The following PEX3 variants were observed in gnomAD, a reference collection of about 807,000 sequenced individuals.
The protein encoded by PEX3 is peroxisomal biogenesis factor 3, also known as peroxin-3.
In PEX3, 30 loss-of-function variants were observed where a neutral mutation model predicts 55.8. That is an observed-to-expected ratio of 0.54 (90% CI 0.40 to 0.73). The LOEUF (loss-of-function observed/expected upper bound fraction) is 0.73. Among genes scored for constraint, PEX3 ranks in the 30% least tolerant of loss-of-function variants. The probability of loss-of-function intolerance (pLI) is 0.00; values close to 1 mark genes in which losing one functional copy is unlikely to be tolerated. For missense variants in PEX3, 351 were observed against 432.8 expected (o/e 0.81, Z 1.68); for synonymous variants, 135 against 148.4 (o/e 0.91, Z 0.66).
intron 9 of PEX3, 140 bp from the exon 10 acceptor site, chr6:143,478,936 T>C (rs1780189911): frequency 1.8e-6 from 1 of 566,610 alleles, no homozygotes; most frequent in South Asian, 2.4e-5. Context: ...TTTTTAAAGA[T>C]TGATTTCTTG....
Position 143,471,972 on chromosome 6 carries a change from C to T in PEX3, c.579-188C>T. On this transcript the variant is annotated intron_variant, in intron 7 of 11. Transcript: ENST00000367591. This position sits in a 1 kb window ranked among gnomAD's most constrained non-coding sequence, Gnocchi z 5.4. ...TTCTCTTATGGAATCCAGAGAAATA[C>T]TTTTCTTGGCTCTGTAGTAATGGCC... 6.6e-6 allele frequency among the ~76,000 whole-genome samples: 1 copy of T among 152,114 alleles called. No individual in the cohort carries two copies. The highest frequency in any genetic ancestry group is 1.9e-4 in the East Asian group (1 of 5,188).
chr6:143,470,906 AT>A, intron 4 of PEX3, 54 bp from the exon 5 acceptor site: 2 of 1,528,668 alleles, frequency 1.3e-6, no homozygotes, highest in Non-Finnish European at 1.8e-6. Context: ...ATGGTTCATG[AT>A]TTTACACATT....
Position 143,487,808 on chromosome 6 carries a change from G to T in PEX3, c.1039-1335G>T, listed in dbSNP as rs1780340358. ...TACATGATTTGGTCTTCATTTGAAA[G>T]ATTTTCTGCCTCTGTTCTTCTCTCA... On this transcript the variant is annotated intron_variant, in intron 11 of 11. Coordinates refer to ENST00000367591, the MANE Select transcript of PEX3 (RefSeq NM_003630.3). The surrounding 1 kb of genome is among the most constrained non-coding windows in gnomAD (Gnocchi z 5.3). 6.6e-6 allele frequency among the ~76,000 whole-genome samples: 1 copy of T among 151,872 alleles called. No individual in the cohort carries two copies. The highest frequency in any genetic ancestry group is 2.1e-4 in the South Asian group (1 of 4,820).
rs1329796957 is a variant in PEX3, at chr6:143,482,851, G to A, written c.942-2301G>A. ...AAACAAATATACTGATCGAAAACAG[G>A]TGACTATGTGACCTCAAGATGGAGA... is the stretch of plus-strand genomic sequence containing the variant. On this transcript the variant is annotated intron_variant, in intron 10 of 11. Coordinates refer to ENST00000367591, the MANE Select transcript of PEX3 (RefSeq NM_003630.3). The surrounding 1 kb of genome is among the most constrained non-coding windows in gnomAD (Gnocchi z 5.5). Among the ~76,000 whole-genome samples, 1 of 152,004 alleles carries A rather than the reference G, an allele frequency of 6.6e-6. No homozygotes were observed. The highest frequency in any genetic ancestry group is 1.5e-5 in the Non-Finnish European group (1 of 67,956).
At position 143,487,451 on chromosome 6, in the gene PEX3, A is replaced by G. The variant is rs1780336148; in HGVS notation, c.1039-1692A>G. Among the ~76,000 whole-genome samples, 2 of 152,134 alleles carry G rather than the reference A, an allele frequency of 1.3e-5. No individual in the cohort carries two copies. The highest frequency in any genetic ancestry group is 1.3e-4 in the Admixed American group (2 of 15,252). The stretch of plus-strand genomic sequence containing the variant: ...ATTTGTCCATACACCTCACATACAT[A>G]TGTACACACATATACCACAGTCCTC... On this transcript the variant is annotated intron_variant, in intron 11 of 11. Coordinates refer to ENST00000367591, the MANE Select transcript of PEX3 (RefSeq NM_003630.3). This position sits in a 1 kb window ranked among gnomAD's most constrained non-coding sequence, Gnocchi z 5.3.
In PEX3 at chr6:143,453,840, A is replaced by G. The variant is rs955996741; in HGVS notation, c.73+2725A>G. Among the ~76,000 whole-genome samples the G allele has an allele frequency of 2.6e-5, 4 of 152,034 alleles. No individual in the cohort carries two copies. The highest frequency in any genetic ancestry group is 9.7e-5 in the African/African-American group (4 of 41,398). On this transcript the variant is annotated intron_variant, in intron 1 of 11. Transcript: ENST00000367591. This position sits in a 1 kb window ranked among gnomAD's most constrained non-coding sequence, Gnocchi z 4.6. Reference sequence around the variant, plus strand: ...CAATCGTCCTGCCTCAGCCTCCTAAAGTGCTGGAATTACAGGCATGAGCCA... The same window carrying G: ...CAATCGTCCTGCCTCAGCCTCCTAAGGTGCTGGAATTACAGGCATGAGCCA...
rs1483348639 is a variant in PEX3, at chr6:143,462,391, T to G, written c.206-525T>G. The stretch of plus-strand genomic sequence containing the variant: ...ACTGACAAAACTAAAACTCAGCAAC[T>G]CTTAGTTCCTAACCCAGTGCACTTT... On this transcript the variant is annotated intron_variant, in intron 2 of 11. Coordinates refer to ENST00000367591, the MANE Select transcript of PEX3 (RefSeq NM_003630.3). This position sits in a 1 kb window ranked among gnomAD's most constrained non-coding sequence, Gnocchi z 4.1. Among the ~76,000 whole-genome samples, 1 of 152,192 alleles carries G rather than the reference T, an allele frequency of 6.6e-6. No homozygotes were observed. Among genetic ancestry groups the G allele is most frequent in the Non-Finnish European group, 1.5e-5 (1 of 68,024 alleles).
chr6:143,457,901 A>G (rs1779868349), intron 1 of PEX3, among the ~76,000 whole-genome samples: 1 of 152,242 alleles, frequency 6.6e-6, no homozygotes, highest in Non-Finnish European at 1.5e-5. Flanking sequence ...TGGTTAACTC[A>G]GTTGACTAAG....
Position 143,485,191 on chromosome 6 carries a change from A to C in PEX3, c.981A>C (p.Pro327=). 1 of 1,607,202 alleles carries C rather than the reference A, an allele frequency of 6.2e-7. No homozygotes were observed. The highest frequency in any genetic ancestry group is 8.5e-7 in the Non-Finnish European group (1 of 1,173,944). Residue 327 remains proline, a synonymous_variant, in exon 11 of 12, where the codon CCA becomes CCC. Transcript: ENST00000367591. This position sits in a 1 kb window ranked among gnomAD's most constrained non-coding sequence, Gnocchi z 5.6. ...GCCTGCCTTTAGCTAAGATAATTCCAATAGTAAACGGACAGATCCATTCAG... is the reference window on the plus strand; with the variant it reads ...GCCTGCCTTTAGCTAAGATAATTCCCATAGTAAACGGACAGATCCATTCAG... ...SVSLPLAKII[P]IVNGQIHSVC... is the part of the protein sequence containing the mutation.
Position 143,487,562 on chromosome 6 carries a change from C to T in PEX3, c.1039-1581C>T, listed in dbSNP as rs1780337339. On this transcript the variant is annotated intron_variant, in intron 11 of 11. Coordinates refer to ENST00000367591, the MANE Select transcript of PEX3 (RefSeq NM_003630.3). The surrounding 1 kb of genome is among the most constrained non-coding windows in gnomAD (Gnocchi z 5.3). ...GCTTTTTCGTAACTCAAAACCAAAG[C>T]ACTTTTATTGTCAAGTAGAATCTAA... Among the ~76,000 whole-genome samples, 2 of 152,056 alleles carry T rather than the reference C, an allele frequency of 1.3e-5. No individual in the cohort carries two copies. Among genetic ancestry groups the T allele is most frequent in the Non-Finnish European group, 2.9e-5 (2 of 67,974 alleles).
chr6:143,461,648 T>C (rs1171441650), intron 2 of PEX3, among the ~76,000 whole-genome samples: 1 of 152,040 alleles, frequency 6.6e-6, no homozygotes, highest in Non-Finnish European at 1.5e-5. Flanking sequence ...TTTTCCCTTT[T>C]AGAATGTGGT....
At chr6:143,478,666 G>A (rs1328481197) in intron 9 of PEX3, among the ~76,000 whole-genome samples, 6 of 152,112 alleles carry the variant, frequency 3.9e-5, no homozygotes, top group Non-Finnish European at 5.9e-5. Flanking sequence ...CAGGCCTTTC[G>A]TCAAGCTTCT....
chr6:143,477,158 A>G (rs755961685), intron 9 of PEX3, among the ~76,000 whole-genome samples: 5 of 152,186 alleles, frequency 3.3e-5, no homozygotes, highest in Non-Finnish European at 5.9e-5. Context: ...ATTCAAAAGA[A>G]TTAGAGTTTA....
chr6:143,474,295 A>G (rs186665018), intron 8 of PEX3, among the ~76,000 whole-genome samples: 16 of 152,138 alleles, frequency 1.1e-4, no homozygotes, highest in African/African-American at 3.9e-4. Context: ...TAAAAATACA[A>G]ATAAAAATAC....
At chr6:143,457,197 C>T (rs1779858531) in intron 1 of PEX3, among the ~76,000 whole-genome samples, 1 of 152,106 alleles carries the variant, frequency 6.6e-6, no homozygotes, top group African/African-American at 2.4e-5. Context: ...CAAACAATTC[C>T]TTCAGATCTA....
chr6:143,453,863 C>G lies in PEX3; in HGVS notation c.73+2748C>G, dbSNP rs1779808573. Among the ~76,000 whole-genome samples the G allele has an allele frequency of 6.6e-6, 1 of 152,130 alleles. No individual in the cohort carries two copies. The highest frequency in any genetic ancestry group is 2.4e-5 in the African/African-American group (1 of 41,434). On this transcript the variant is annotated intron_variant, in intron 1 of 11. Coordinates refer to ENST00000367591, the MANE Select transcript of PEX3 (RefSeq NM_003630.3). This position sits in a 1 kb window ranked among gnomAD's most constrained non-coding sequence, Gnocchi z 4.6. ...AAAGTGCTGGAATTACAGGCATGAG[C>G]CACTGAGCCTGGCATAATTTGACCA...
Position 143,487,021 on chromosome 6 carries a change from A to G in PEX3, c.1038+1773A>G, listed in dbSNP as rs1780331509. Among the ~76,000 whole-genome samples the G allele has an allele frequency of 6.6e-6, 1 of 152,184 alleles. No individual in the cohort carries two copies. The highest frequency in any genetic ancestry group is 1.5e-5 in the Non-Finnish European group (1 of 68,010). ...ACTTTGCTGACCCCTTTGGTAGAAG[A>G]TATTAGGATGGTAGTTGGTAAAGGT... On this transcript the variant is annotated intron_variant, in intron 11 of 11. Transcript: ENST00000367591. This position sits in a 1 kb window ranked among gnomAD's most constrained non-coding sequence, Gnocchi z 5.3.
Position 143,471,832 on chromosome 6 carries a change from G to C in PEX3, c.578+221G>C, listed in dbSNP as rs1419510801. Among the ~76,000 whole-genome samples, 1 of 151,796 alleles carries C rather than the reference G, an allele frequency of 6.6e-6. No homozygotes were observed. Among genetic ancestry groups the C allele is most frequent in the Non-Finnish European group, 1.5e-5 (1 of 67,936 alleles). ...TTTAATGTTTCATTGTTAATTGATT[G>C]ATTTCATACAAATCAGAAATATTTG... On this transcript the variant is annotated intron_variant, in intron 7 of 11. Transcript: ENST00000367591. The surrounding 1 kb of genome is among the most constrained non-coding windows in gnomAD (Gnocchi z 5.4).
Position 143,454,579 on chromosome 6 carries a change from T to C in PEX3, c.73+3464T>C, listed in dbSNP as rs1052776042. The stretch of plus-strand genomic sequence containing the variant: ...AGTGACTGATCTCACTGTACTTTAC[T>C]CTGGAAATACAAAGGAATAAGACAG... On this transcript the variant is annotated intron_variant, in intron 1 of 11. Transcript: ENST00000367591. This position sits in a 1 kb window ranked among gnomAD's most constrained non-coding sequence, Gnocchi z 4.3. 2.0e-5 allele frequency among the ~76,000 whole-genome samples: 3 copies of C among 152,218 alleles called. No homozygotes were observed. Among genetic ancestry groups the C allele is most frequent in the Non-Finnish European group, 2.9e-5 (2 of 68,032 alleles).
Sources: allele counts gnomAD v4.1 joint callset (sites outside exome capture counted in the v4.1 genomes callset), GRCh38; gene constraint gnomAD v4.1.1; non-coding constraint Gnocchi (gnomAD v3.1); transcripts MANE v1.5; gene names NCBI Gene and HGNC (gene_info 2026-07-23, HGNC 2026-07-21).